The following BANP variants were observed in gnomAD, a reference collection of about 807,000 sequenced individuals.
The protein encoded by BANP is protein BANP.
A neutral mutation model predicts 68.1 loss-of-function variants in BANP; 11 were observed. The observed-to-expected ratio is 0.16, with a 90% CI of 0.10 to 0.27. The LOEUF is 0.27. BANP is among the 10% of genes least tolerant of loss of function. The pLI, the probability that BANP is intolerant of heterozygous loss-of-function variation, is 1.00. For synonymous variants in BANP, 329 were observed against 303.2 expected (o/e 1.09, Z -0.88); for missense variants, 504 against 722.7 (o/e 0.70, Z 3.47).
intron 12 of BANP, among the ~76,000 whole-genome samples, chr16:88,066,327 A>G (rs2088588504): frequency 6.6e-6 from 1 of 152,154 alleles, no homozygotes; most frequent in Admixed American, 6.5e-5. Context: ...TGACATTACC[A>G]GCAGGCGGTA....
chr16:87,954,157 T>C (rs1007394353), intron 1 of BANP, among the ~76,000 whole-genome samples: 2 of 152,210 alleles, frequency 1.3e-5, no homozygotes, highest in South Asian at 2.1e-4. Flanking sequence ...GGTGGAGCCC[T>C]GGAGTTGCGT....
At chr16:87,965,850 A>G (rs140773401) in intron 1 of BANP, among the ~76,000 whole-genome samples, 1 of 152,272 alleles carries the variant, frequency 6.6e-6, no homozygotes, top group Non-Finnish European at 1.5e-5. Context: ...ATAAATAAGT[A>G]AGGCCTACGG....
chr16:88,011,085 T>A (rs371294339), intron 6 of BANP, among the ~76,000 whole-genome samples: 1 of 152,174 alleles, frequency 6.6e-6, no homozygotes, highest in African/African-American at 2.4e-5. Flanking sequence ...GACAGCAGCG[T>A]GAGAACAGTC....
chr16:88,033,756 T>A lies in BANP; in HGVS notation c.1200+511T>A, dbSNP rs1274683797. The stretch of plus-strand genomic sequence containing the variant: ...GCACTGTCCCAGCAGCAAGTCAATG[T>A]CCTGCCTTGCCCGTGCGGAGTTCTC... On this transcript the variant is annotated intron_variant, in intron 9 of 13. Coordinates refer to ENST00000682872, the MANE Select transcript of BANP (RefSeq NM_001386991.1). 1.1e-4 allele frequency among the ~76,000 whole-genome samples: 16 copies of A among 152,314 alleles called. No homozygotes were observed. The South Asian group carries it at 2.1e-3, about 20-fold the overall frequency.
At chr16:87,986,814 A>C (rs2064555050) in intron 4 of BANP, among the ~76,000 whole-genome samples, 1 of 152,220 alleles carries the variant, frequency 6.6e-6, no homozygotes, top group Non-Finnish European at 1.5e-5. Flanking sequence ...ATACTGACTC[A>C]GATGCACAAT....
intron 11 of BANP, among the ~76,000 whole-genome samples, chr16:88,055,282 C>G (rs1267562416): frequency 6.6e-6 from 1 of 152,036 alleles, no homozygotes; most frequent in Non-Finnish European, 1.5e-5. Flanking sequence ...ACCCACCCAC[C>G]CCCTCCGCAC....
chr16:88,004,739 C>T lies in BANP; in HGVS notation c.479+328C>T, dbSNP rs868621282. 2.2e-4 allele frequency among the ~76,000 whole-genome samples: 34 copies of T among 152,358 alleles called. No homozygotes were observed. The highest frequency in any genetic ancestry group is 6.8e-3 in the Middle Eastern group (2 of 294). On this transcript the variant is annotated intron_variant, in intron 5 of 13. Coordinates refer to ENST00000682872, the MANE Select transcript of BANP (RefSeq NM_001386991.1). The surrounding 1 kb of genome is among the most constrained non-coding windows in gnomAD (Gnocchi z 7.0). ...CTCCCACCTAGCTCAGTGGTCCTCA[C>T]GTCTGTCTGTGCAGAGCGTGTCAGG... is the stretch of plus-strand genomic sequence containing the variant.
chr16:87,972,421 G>GT lies in BANP; in HGVS notation c.-68-2617dup, dbSNP rs568476276. 3.4e-4 allele frequency among the ~76,000 whole-genome samples: 51 copies of GT among 147,828 alleles called. 1 individual carries two copies. The highest frequency in any genetic ancestry group is 1.1e-3 in the Admixed American group (16 of 14,842). On this transcript the variant is annotated intron_variant, in intron 1 of 13. Coordinates refer to ENST00000682872, the MANE Select transcript of BANP (RefSeq NM_001386991.1). ...GTTTGTTTTGAATTATCAGGGTATA[G>GT]TTTTTTTTTTCTTTTTAGTTTTCGT...
intron 10 of BANP, chr16:88,037,740 T>C (rs2079710229): frequency 5.2e-6 from 3 of 573,336 alleles, no homozygotes; most frequent in Non-Finnish European, 9.4e-6. Context: ...GGTAGGGGAA[T>C]GAGTACAATG....
At chr16:88,026,039 C>G (rs2076921219) in intron 7 of BANP, among the ~76,000 whole-genome samples, 1 of 152,220 alleles carries the variant, frequency 6.6e-6, no homozygotes, top group Non-Finnish European at 1.5e-5. Flanking sequence ...CGCTGGCTCC[C>G]TCCTGTCACC....
At chr16:87,956,192 C>T (rs1053900007) in intron 1 of BANP, among the ~76,000 whole-genome samples, 1 of 152,172 alleles carries the variant, frequency 6.6e-6, no homozygotes, top group African/African-American at 2.4e-5. Context: ...GACATGGAGT[C>T]GCAAGGCTGA....
chr16:88,058,162 G>A (rs1160702067), intron 11 of BANP, among the ~76,000 whole-genome samples: 1 of 152,288 alleles, frequency 6.6e-6, no homozygotes, highest in South Asian at 2.1e-4. Context: ...TGGTTAAAAC[G>A]TTGAAGCTGG....
chr16:87,994,050 A>G (rs2066558940), intron 4 of BANP, among the ~76,000 whole-genome samples: 1 of 152,076 alleles, frequency 6.6e-6, no homozygotes, highest in African/African-American at 2.4e-5. Flanking sequence ...GGCGTTAGAG[A>G]CCAGGATGCG....
At chr16:87,975,807 GCGGCGT>G (rs1389666832) in intron 2 of BANP, among the ~76,000 whole-genome samples, 7 of 148,722 alleles carry the variant, frequency 4.7e-5, no homozygotes, top group African/African-American at 1.5e-4. Flanking sequence ...TCCCCTGTGT[GCGGCGT>G]CATGGAACCT....
intron 4 of BANP, among the ~76,000 whole-genome samples, chr16:87,994,397 G>C (rs4843293): frequency 6.6e-6 from 1 of 152,148 alleles, no homozygotes; most frequent in Non-Finnish European, 1.5e-5. Context: ...GGAGAGCAGC[G>C]TGAGGAGTTA....
intron 11 of BANP, among the ~76,000 whole-genome samples, chr16:88,062,539 C>T (rs1488728807): frequency 6.6e-6 from 1 of 152,224 alleles, no homozygotes; most frequent in Non-Finnish European, 1.5e-5. Context: ...GGGAAAGTAG[C>T]ACGTGTCTCC....
chr16:88,003,007 G>A lies in BANP; in HGVS notation c.363-1288G>A, dbSNP rs2069882071. The stretch of plus-strand genomic sequence containing the variant: ...ACCAGTGTTCCATAGCCTCCACTTG[G>A]GGAACATACCAAGCTCGTGCAAGTC... On this transcript the variant is annotated intron_variant, in intron 4 of 13. Coordinates refer to ENST00000682872, the MANE Select transcript of BANP (RefSeq NM_001386991.1). This position sits in a 1 kb window ranked among gnomAD's most constrained non-coding sequence, Gnocchi z 6.1. Among the ~76,000 whole-genome samples the A allele has an allele frequency of 6.6e-6, 1 of 152,212 alleles. No individual in the cohort carries two copies. Among genetic ancestry groups the A allele is most frequent in the Non-Finnish European group, 1.5e-5 (1 of 68,010 alleles).
At chr16:87,983,023 G>C (rs2063580911) in intron 3 of BANP, among the ~76,000 whole-genome samples, 1 of 152,154 alleles carries the variant, frequency 6.6e-6, no homozygotes, top group African/African-American at 2.4e-5. Context: ...GAGCTCCACG[G>C]CCCGCTCTCA....
At chr16:88,076,176 A>C (rs1405040960) in intron 13 of BANP, among the ~76,000 whole-genome samples, 1 of 152,240 alleles carries the variant, frequency 6.6e-6, no homozygotes, top group Non-Finnish European at 1.5e-5. Context: ...TTGTTGAAAC[A>C]TTGGGACAGT....
Sources: allele counts gnomAD v4.1 joint callset (sites outside exome capture counted in the v4.1 genomes callset), GRCh38; gene constraint gnomAD v4.1.1; non-coding constraint Gnocchi (gnomAD v3.1); transcripts MANE v1.5; gene names NCBI Gene and HGNC (gene_info 2026-07-23, HGNC 2026-07-21).